KIAA1328: variants seen among roughly 807,000 people sequenced by gnomAD.
KIAA1328 encodes the protein protein hinderin.
KIAA1328 carries 52 observed loss-of-function variants against 68.1 expected under a neutral mutation model. The observed-to-expected ratio is 0.76, with a 90% confidence interval of 0.61 to 0.96. The LOEUF is 0.96. Among genes scored for constraint, KIAA1328 ranks in the 40% least tolerant of loss-of-function variants. The pLI, the probability that KIAA1328 is intolerant of heterozygous loss-of-function variation, is 0.00. For missense variants in KIAA1328, 641 were observed against 677.6 expected, an observed-to-expected ratio of 0.95 and a Z score of 0.60; for synonymous variants, 232 against 239.4, an observed-to-expected ratio of 0.97 and a Z score of 0.28.
chr18:36,987,784 T>C (rs1401814666), intron 6 of KIAA1328, among the ~76,000 whole-genome samples: 1 of 152,064 alleles, frequency 6.6e-6, no homozygotes, highest in Admixed American at 6.6e-5. Flanking sequence ...ACTTTACTTA[T>C]GTGCAGGTGA....
In KIAA1328 at chr18:36,848,838, C is replaced by T. The variant is rs767625976; in HGVS notation, c.332+4536C>T. On this transcript the variant is annotated intron_variant, in intron 4 of 9. Transcript: ENST00000280020. ...AACATGTGATTTTTATTCTTTTTTC[C>T]GTTAATGAGGTAAACTACATTGATT... Among the ~76,000 whole-genome samples the T allele has an allele frequency of 3.3e-5, 5 of 150,066 alleles. No individual in the cohort carries two copies. The East Asian group carries it at 5.8e-4, about 17-fold the overall frequency.
At chr18:37,114,295 G>A (rs998614173) in intron 7 of KIAA1328, among the ~76,000 whole-genome samples, 1 of 151,962 alleles carries the variant, frequency 6.6e-6, no homozygotes, top group Non-Finnish European at 1.5e-5. Context: ...AGAACAGAAA[G>A]TATAACAAAC....
chr18:37,113,067 C>A (rs1179509373), intron 7 of KIAA1328, among the ~76,000 whole-genome samples: 4 of 152,096 alleles, frequency 2.6e-5, no homozygotes, highest in Non-Finnish European at 5.9e-5. Context: ...AGAATGGAAC[C>A]AAGTTGGAAA....
Position 37,202,784 on chromosome 18 carries a change from A to G in KIAA1328, c.1524-19233A>G, listed in dbSNP as rs574599431. 5.3e-4 allele frequency among the ~76,000 whole-genome samples: 80 copies of G among 152,320 alleles called. 3 individuals carry two copies. In the South Asian group the frequency reaches 0.016, roughly 31 times the overall value. ...ATATGACTCAAGGTTAAACACCATT[A>G]TTATTTGACAATGTGTCTTGCATGA... On this transcript the variant is annotated intron_variant, in intron 9 of 9. Coordinates refer to ENST00000280020, the MANE Select transcript of KIAA1328 (RefSeq NM_020776.3).
chr18:37,127,661 A>G (rs1022666313), intron 7 of KIAA1328, among the ~76,000 whole-genome samples: 7 of 152,228 alleles, frequency 4.6e-5, no homozygotes, highest in Non-Finnish European at 7.3e-5. Flanking sequence ...TTCTCTAACA[A>G]ATTGATATGT....
At chr18:37,103,551 CT>C (rs2057685520) in intron 7 of KIAA1328, among the ~76,000 whole-genome samples, 1 of 151,996 alleles carries the variant, frequency 6.6e-6, no homozygotes, top group Admixed American at 6.6e-5. Context: ...TATACAAGTG[CT>C]AAAAGAAAAC....
intron 6 of KIAA1328, among the ~76,000 whole-genome samples, chr18:37,064,391 C>T (rs1262953571): frequency 3.9e-5 from 6 of 152,078 alleles, no homozygotes; most frequent in Non-Finnish European, 8.8e-5. Flanking sequence ...GCAACTATTG[C>T]GAAATAAATT....
At chr18:36,873,807 T>A (rs1290134764) in intron 4 of KIAA1328, among the ~76,000 whole-genome samples, 1 of 152,176 alleles carries the variant, frequency 6.6e-6, no homozygotes, top group African/African-American at 2.4e-5. Flanking sequence ...TCATCTACAT[T>A]AAGTATTTCT....
At chr18:37,127,992 G>A (rs1031592851) in intron 7 of KIAA1328, among the ~76,000 whole-genome samples, 6 of 151,536 alleles carry the variant, frequency 4.0e-5, no homozygotes, top group African/African-American at 1.5e-4. Context: ...GAAGCAATTG[G>A]ATCAGTGGAT....
chr18:36,937,727 T>C (rs192223490), intron 5 of KIAA1328, among the ~76,000 whole-genome samples: 38 of 152,322 alleles, frequency 2.5e-4, no homozygotes, highest in African/African-American at 8.9e-4. Context: ...TCTGTAGTAA[T>C]ACTTACATTT....
chr18:37,014,453 G>A (rs2054080884), intron 6 of KIAA1328, among the ~76,000 whole-genome samples: 1 of 152,130 alleles, frequency 6.6e-6, no homozygotes, highest in African/African-American at 2.4e-5. Flanking sequence ...TTTCTTCTAG[G>A]ATTCTGTATT....
At chr18:37,089,750 G>A (rs2151828637) in intron 7 of KIAA1328, among the ~76,000 whole-genome samples, 1 of 152,120 alleles carries the variant, frequency 6.6e-6, no homozygotes, top group East Asian at 1.9e-4. Context: ...AATTTTTGTT[G>A]AATTGCTCAG....
At chr18:37,127,768 C>A (rs2058428465) in intron 7 of KIAA1328, among the ~76,000 whole-genome samples, 1 of 151,996 alleles carries the variant, frequency 6.6e-6, no homozygotes, top group Non-Finnish European at 1.5e-5. Flanking sequence ...GACTTTAGAA[C>A]ACCCAAAATA....
At chr18:36,998,489 C>G (rs1458333931) in intron 6 of KIAA1328, among the ~76,000 whole-genome samples, 1 of 152,208 alleles carries the variant, frequency 6.6e-6, no homozygotes, top group Non-Finnish European at 1.5e-5. Flanking sequence ...CTGATAACCA[C>G]CGATGCAGGT....
intron 4 of KIAA1328, among the ~76,000 whole-genome samples, chr18:36,845,537 A>T (rs931285904): frequency 3.3e-5 from 5 of 151,906 alleles, no homozygotes; most frequent in Non-Finnish European, 7.4e-5. Flanking sequence ...ATATTAGAGC[A>T]TTAAGTTAAT....
At chr18:36,901,661 A>G (rs1000950499) in intron 5 of KIAA1328, among the ~76,000 whole-genome samples, 1 of 152,046 alleles carries the variant, frequency 6.6e-6, no homozygotes, top group Non-Finnish European at 1.5e-5. Flanking sequence ...ATGGACCTGC[A>G]GTGCTATAGC....
At chr18:36,839,703 C>T (rs1226935452) in intron 3 of KIAA1328, among the ~76,000 whole-genome samples, 1 of 152,134 alleles carries the variant, frequency 6.6e-6, no homozygotes, top group Non-Finnish European at 1.5e-5. Context: ...TTGATTCTTT[C>T]CAAGCTTCAT....
intron 5 of KIAA1328, among the ~76,000 whole-genome samples, chr18:36,957,788 A>T (rs1339465645): frequency 6.6e-6 from 1 of 152,166 alleles, no homozygotes; most frequent in African/African-American, 2.4e-5. Context: ...CTGATTTTTT[A>T]AAATAATAAC....
At chr18:37,082,228 G>A (rs1030391901) in intron 7 of KIAA1328, among the ~76,000 whole-genome samples, 1 of 136,882 alleles carries the variant, frequency 7.3e-6, no homozygotes, top group Admixed American at 8.1e-5. Context: ...CTGAAGTGCA[G>A]TGGTGTGATC....
Sources: gnomAD v4.1 joint callset for allele counts (sites outside exome capture counted in the v4.1 genomes callset) on GRCh38, gnomAD v4.1.1 for gene constraint, MANE v1.5 for transcripts, NCBI Gene and HGNC (gene_info 2026-07-23, HGNC 2026-07-21) for gene names.